The following DLGAP2 variants were observed in gnomAD, a reference collection of about 807,000 sequenced individuals.
DLGAP2 encodes disks large-associated protein 2.
DLGAP2 carries 26 observed loss-of-function variants against 100.3 expected under a neutral mutation model. That is an observed-to-expected ratio of 0.26 (90% CI 0.19 to 0.36). The LOEUF (loss-of-function observed/expected upper bound fraction) is 0.36. Among genes scored for constraint, DLGAP2 ranks in the 10% least tolerant of loss-of-function variants. The pLI is 1.00. For missense variants in DLGAP2, 1,858 were observed against 1,453.2 expected (o/e 1.28, Z -4.53); for synonymous variants, 886 against 630.1 (o/e 1.41, Z -6.08).
intron 4 of DLGAP2, among the ~76,000 whole-genome samples, chr8:1,517,968 C>T (rs1800453298): frequency 6.6e-6 from 1 of 152,200 alleles, no homozygotes; most frequent in South Asian, 2.1e-4. Context: ...TCGTCAGTAA[C>T]ACACACTAAC....
At chr8:960,943 T>C (rs1799711681) in intron 2 of DLGAP2, among the ~76,000 whole-genome samples, 2 of 152,244 alleles carry the variant, frequency 1.3e-5, no homozygotes, top group South Asian at 2.1e-4. Context: ...CTGTATGCCA[T>C]TTATACAGTT....
chr8:1,104,268 G>A (rs984332023), intron 2 of DLGAP2, among the ~76,000 whole-genome samples: 1 of 152,070 alleles, frequency 6.6e-6, no homozygotes, highest in Non-Finnish European at 1.5e-5. Context: ...GAGGGTTGAC[G>A]CCAGCCCAGT....
At chr8:1,564,865 A>G (rs1363330686) in intron 5 of DLGAP2, among the ~76,000 whole-genome samples, 3 of 152,220 alleles carry the variant, frequency 2.0e-5, no homozygotes, top group South Asian at 4.1e-4. Context: ...CATACCACAC[A>G]GATATGTAAC....
chr8:1,032,215 G>A (rs745347102), intron 2 of DLGAP2, among the ~76,000 whole-genome samples: 18 of 152,242 alleles, frequency 1.2e-4, no homozygotes, highest in Non-Finnish European at 2.5e-4. Context: ...CTCATAGTAG[G>A]AGGGGCAGCA....
intron 3 of DLGAP2, among the ~76,000 whole-genome samples, chr8:1,276,331 GA>G (rs1799695498): frequency 6.6e-6 from 1 of 151,900 alleles, no homozygotes; most frequent in Non-Finnish European, 1.5e-5. Context: ...GTCTTGGACT[GA>G]CACATGAATT....
chr8:1,627,340 G>C (rs184779288), intron 7 of DLGAP2, among the ~76,000 whole-genome samples: 39 of 152,282 alleles, frequency 2.6e-4, no homozygotes, highest in African/African-American at 8.9e-4. Flanking sequence ...CCCACTCCCA[G>C]GGCAGGACTG....
chr8:1,648,941 C>T (rs1395661930), intron 8 of DLGAP2, among the ~76,000 whole-genome samples: 1 of 152,326 alleles, frequency 6.6e-6, no homozygotes, highest in African/African-American at 2.4e-5. Flanking sequence ...AAGGTTTATT[C>T]TGCAACGTGA....
intron 1 of DLGAP2, among the ~76,000 whole-genome samples, chr8:768,227 C>G (rs1433988878): frequency 1.3e-5 from 2 of 152,128 alleles, no homozygotes; most frequent in Non-Finnish European, 2.9e-5. Context: ...GCTGGTCAGA[C>G]AGGCATGTGG....
chr8:827,626 A>G (rs968423097), intron 1 of DLGAP2, among the ~76,000 whole-genome samples: 1 of 152,216 alleles, frequency 6.6e-6, no homozygotes, highest in African/African-American at 2.4e-5. Flanking sequence ...ATTTTGTCTC[A>G]TTTGAAATAA....
intron 6 of DLGAP2, among the ~76,000 whole-genome samples, chr8:1,596,092 A>G (rs922475919): frequency 7.3e-6 from 1 of 136,706 alleles, no homozygotes; most frequent in Non-Finnish European, 1.5e-5. Flanking sequence ...CTCATCGTTC[A>G]TCTCCCACTT....
At chr8:1,432,660 C>G (rs1797485664) in intron 3 of DLGAP2, among the ~76,000 whole-genome samples, 1 of 152,254 alleles carries the variant, frequency 6.6e-6, no homozygotes. Context: ...ATTGAAGGCA[C>G]TGGCCCTGAG....
chr8:1,077,342 A>G (rs1397639847), intron 2 of DLGAP2, among the ~76,000 whole-genome samples: 1 of 152,078 alleles, frequency 6.6e-6, no homozygotes, highest in East Asian at 1.9e-4. Context: ...GCACAGTTCT[A>G]CCCACACCTG....
intron 2 of DLGAP2, among the ~76,000 whole-genome samples, chr8:1,066,857 G>A (rs1248089528): frequency 2.6e-5 from 4 of 152,230 alleles, no homozygotes; most frequent in Non-Finnish European, 5.9e-5. Flanking sequence ...CTGCGGCCCA[G>A]TATAGTCTCA....
At chr8:1,063,953 C>T (rs1004534256) in intron 2 of DLGAP2, among the ~76,000 whole-genome samples, 10 of 152,108 alleles carry the variant, frequency 6.6e-5, no homozygotes, top group East Asian at 3.9e-4. Context: ...TGCTGGCCTC[C>T]GCAGCCAGGG....
At chr8:883,648 G>A (rs1797861396) in intron 1 of DLGAP2, among the ~76,000 whole-genome samples, 1 of 151,260 alleles carries the variant, frequency 6.6e-6, no homozygotes, top group Non-Finnish European at 1.5e-5. Flanking sequence ...CGGGTGCCGC[G>A]GCGGTTCGTT....
At chr8:894,345 T>G (rs1345639544) in intron 1 of DLGAP2, among the ~76,000 whole-genome samples, 1 of 152,102 alleles carries the variant, frequency 6.6e-6, no homozygotes, top group Non-Finnish European at 1.5e-5. Context: ...TCCCCTCTGA[T>G]GCGTTCACAG....
At chr8:1,254,101 A>T (rs1181478367) in intron 2 of DLGAP2, among the ~76,000 whole-genome samples, 2 of 152,146 alleles carry the variant, frequency 1.3e-5, no homozygotes, top group Non-Finnish European at 2.9e-5. Flanking sequence ...AGCCATGGCC[A>T]GGGGGGCCAA....
intron 1 of DLGAP2, chr8:883,272 C>T (rs1048173464): frequency 1.3e-5 from 2 of 152,294 alleles, no homozygotes; most frequent in African/African-American, 4.8e-5. Context: ...GCTGTCTGGA[C>T]CAGCTGTCAC....
intron 2 of DLGAP2, among the ~76,000 whole-genome samples, chr8:1,189,298 A>T (rs760068077): frequency 1.3e-5 from 2 of 152,242 alleles, no homozygotes; most frequent in African/African-American, 2.4e-5. Flanking sequence ...GTCAAGGCCA[A>T]CTGCAAGGGC....
Sources: gnomAD v4.1 joint callset for allele counts (sites outside exome capture counted in the v4.1 genomes callset) on GRCh38, gnomAD v4.1.1 for gene constraint, MANE v1.5 for transcripts, NCBI Gene and HGNC (gene_info 2026-07-23, HGNC 2026-07-21) for gene names.